The following AGBL4 variants were observed in gnomAD, a reference collection of about 807,000 sequenced individuals.
AGBL4 encodes the protein AGBL carboxypeptidase 4, also known as cytosolic carboxypeptidase 6.
A neutral mutation model predicts 66.4 loss-of-function variants in AGBL4; 58 were observed. The observed-to-expected ratio is 0.87, with a 90% CI of 0.71 to 1.09. The LOEUF is 1.09. Ranked by LOEUF, AGBL4 falls within the 50% of genes least tolerant of loss-of-function variation. AGBL4 has a pLI of 0.00. For missense variants in AGBL4, 579 were observed against 631.0 expected, an observed-to-expected ratio of 0.92 and a Z score of 0.88; for synonymous variants, 234 against 222.9, an observed-to-expected ratio of 1.05 and a Z score of -0.44.
At chr1:48,759,957 T>C (rs749654750) in intron 6 of AGBL4, among the ~76,000 whole-genome samples, 1 of 152,174 alleles carries the variant, frequency 6.6e-6, no homozygotes, top group African/African-American at 2.4e-5. Flanking sequence ...AATTCTAGCA[T>C]TGAAAGGTAC....
chr1:48,666,526 G>A (rs540963556), intron 6 of AGBL4, among the ~76,000 whole-genome samples: 3 of 152,274 alleles, frequency 2.0e-5, no homozygotes, highest in East Asian at 1.9e-4. Context: ...TAGCATGCAC[G>A]TGCACACACA....
At chr1:49,813,877 C>T (rs1410883790) in intron 2 of AGBL4, among the ~76,000 whole-genome samples, 1 of 152,100 alleles carries the variant, frequency 6.6e-6, no homozygotes, top group Non-Finnish European at 1.5e-5. Context: ...ATAATCCTTA[C>T]ATGTTATGGG....
At position 49,242,582 on chromosome 1, in the gene AGBL4, G is replaced by A. The variant is rs368467067; in HGVS notation, c.377+3188C>T. Among the ~76,000 whole-genome samples, 11 of 151,890 alleles carry A rather than the reference G, an allele frequency of 7.2e-5. No individual in the cohort carries two copies. In the South Asian group the frequency reaches 8.3e-4, roughly 11 times the overall value. On this transcript the variant is annotated intron_variant, in intron 4 of 13. Coordinates refer to ENST00000371839, the MANE Select transcript of AGBL4 (RefSeq NM_032785.4). ...GTGCCTAGCACACAGTAATGAACACGGTTAAGAAATATTAATGAGTTATGA... is the reference window on the plus strand; with the variant it reads ...GTGCCTAGCACACAGTAATGAACACAGTTAAGAAATATTAATGAGTTATGA...
At chr1:48,769,590 T>C (rs1034399176) in intron 6 of AGBL4, among the ~76,000 whole-genome samples, 1 of 149,240 alleles carries the variant, frequency 6.7e-6, no homozygotes, top group African/African-American at 2.5e-5. Flanking sequence ...TTTAAACTTG[T>C]ATGCTCCTTC....
intron 11 of AGBL4, among the ~76,000 whole-genome samples, chr1:48,568,183 A>G (rs1181162571): frequency 6.6e-6 from 1 of 152,156 alleles, no homozygotes; most frequent in Admixed American, 6.6e-5. Context: ...CAAAATGACT[A>G]TCACCTACAT....
At chr1:49,431,753 A>AT (rs1389688186) in intron 3 of AGBL4, among the ~76,000 whole-genome samples, 3 of 152,162 alleles carry the variant, frequency 2.0e-5, no homozygotes, top group Non-Finnish European at 4.4e-5. Flanking sequence ...TAAACTTTAC[A>AT]TCTGCTATTA....
chr1:49,861,125 T>C, intron 1 of AGBL4, among the ~76,000 whole-genome samples: 1 of 151,956 alleles, frequency 6.6e-6, no homozygotes, highest in African/African-American at 2.4e-5. Flanking sequence ...CCAGGTCCCA[T>C]TGTGAGTGCC....
chr1:48,616,321 C>T (rs979759932), intron 9 of AGBL4, among the ~76,000 whole-genome samples: 1 of 152,136 alleles, frequency 6.6e-6, no homozygotes, highest in African/African-American at 2.4e-5. Flanking sequence ...GCCTCTACAA[C>T]CAGAGACGTT....
rs147251783 is a variant in AGBL4, at chr1:49,548,792, G to C, written c.282+148521C>G. Among the ~76,000 whole-genome samples, 902 of 152,244 alleles carry C rather than the reference G, an allele frequency of 5.9e-3. 4 individuals carry two copies. Among genetic ancestry groups the C allele is most frequent in the Non-Finnish European group, 8.6e-3 (587 of 68,022 alleles). On this transcript the variant is annotated intron_variant, in intron 3 of 13. Coordinates refer to ENST00000371839, the MANE Select transcript of AGBL4 (RefSeq NM_032785.4). ...GTATTAGGGTGATGCTGGCTTCATA[G>C]AATGAATTAAGGGAGGGTTCCTTTT... is the stretch of plus-strand genomic sequence containing the variant.
intron 4 of AGBL4, among the ~76,000 whole-genome samples, chr1:49,125,694 G>A (rs1278219914): frequency 6.6e-6 from 1 of 152,100 alleles, no homozygotes; most frequent in Non-Finnish European, 1.5e-5. Context: ...TAATTCATTT[G>A]TTCCTCACAG....
intron 5 of AGBL4, among the ~76,000 whole-genome samples, chr1:49,011,415 A>G (rs566402346): frequency 0.028 from 4,218 of 152,194 alleles, 172 homozygotes; most frequent in African/African-American, 0.096. Flanking sequence ...AAATAGGAAC[A>G]CTTTTACACT....
At chr1:49,949,232 A>G (rs1328583065) in intron 1 of AGBL4, among the ~76,000 whole-genome samples, 1 of 151,932 alleles carries the variant, frequency 6.6e-6, no homozygotes, top group Non-Finnish European at 1.5e-5. Flanking sequence ...AGGATCAAGG[A>G]CCTAAATCTA....
chr1:48,780,404 T>C (rs957124774), intron 6 of AGBL4, among the ~76,000 whole-genome samples: 1 of 152,136 alleles, frequency 6.6e-6, no homozygotes. Flanking sequence ...CCATTAACTT[T>C]CTTCACGGAA....
intron 3 of AGBL4, among the ~76,000 whole-genome samples, chr1:49,428,177 T>C (rs1645708551): frequency 1.3e-5 from 2 of 152,218 alleles, no homozygotes; most frequent in South Asian, 2.1e-4. Context: ...TTTTAGTTAC[T>C]AACTTTTTTT....
intron 3 of AGBL4, among the ~76,000 whole-genome samples, chr1:49,355,430 C>G (rs1181867615): frequency 6.6e-6 from 1 of 152,160 alleles, no homozygotes; most frequent in East Asian, 1.9e-4. Context: ...TTCTCCATCT[C>G]CACTAATACA....
intron 2 of AGBL4, chr1:49,842,419 G>A: frequency 1.3e-6 from 1 of 788,906 alleles, no homozygotes; most frequent in East Asian, 7.8e-5. Flanking sequence ...GCTGAGAGAA[G>A]CCTGTCCATG....
At chr1:49,115,840 A>C (rs1645508657) in intron 4 of AGBL4, among the ~76,000 whole-genome samples, 2 of 152,122 alleles carry the variant, frequency 1.3e-5, no homozygotes. Context: ...ACCCATTGAC[A>C]TTGCCTGAGT....
chr1:49,844,903 C>A, intron 2 of AGBL4: 1 of 1,380,132 alleles, frequency 7.2e-7, no homozygotes, highest in Non-Finnish European at 1.0e-6. Flanking sequence ...GATGCCTGTT[C>A]AGGAGCAGTG....
intron 3 of AGBL4, among the ~76,000 whole-genome samples, chr1:49,588,065 C>T (rs1262783141): frequency 6.6e-6 from 1 of 152,126 alleles, no homozygotes; most frequent in Non-Finnish European, 1.5e-5. Flanking sequence ...CCATACTCCA[C>T]ACCATGTAAT....
Sources: gnomAD v4.1 joint callset for allele counts (sites outside exome capture counted in the v4.1 genomes callset) on GRCh38, gnomAD v4.1.1 for gene constraint, MANE v1.5 for transcripts, NCBI Gene and HGNC (gene_info 2026-07-23, HGNC 2026-07-21) for gene names.